Variants in ARAP1 observed in about 807,000 individuals in gnomAD.
ARAP1 encodes ArfGAP with RhoGAP domain, ankyrin repeat and PH domain 1.
In ARAP1, 76 loss-of-function variants were observed where a neutral mutation model predicts 172.2. That is an observed-to-expected ratio of 0.44 (90% CI 0.37 to 0.53). ARAP1 has a LOEUF of 0.53. ARAP1 is among the 20% of genes least tolerant of loss of function. ARAP1 has a pLI of 0.00. For missense variants in ARAP1, 1,686 were observed against 1,977.5 expected, an observed-to-expected ratio of 0.85 and a Z score of 2.80; for synonymous variants, 804 against 803.3, an observed-to-expected ratio of 1.00 and a Z score of -0.01.
chr11:72,750,264 C>G (rs1416755111), intron 1 of ARAP1, among the ~76,000 whole-genome samples: 1 of 152,224 alleles, frequency 6.6e-6, no homozygotes, highest in Non-Finnish European at 1.5e-5. Context: ...GGGCGGGGGG[C>G]CAGGGTCAGC....
chr11:72,716,436 G>A (rs867620700), intron 3 of ARAP1, among the ~76,000 whole-genome samples: 1 of 152,244 alleles, frequency 6.6e-6, no homozygotes, highest in African/African-American at 2.4e-5. Flanking sequence ...ACCTGCAAAC[G>A]GTGGCGTGTC....
chr11:72,748,440 A>T (rs966011820), intron 1 of ARAP1, among the ~76,000 whole-genome samples: 2 of 152,006 alleles, frequency 1.3e-5, no homozygotes, highest in Non-Finnish European at 2.9e-5. Flanking sequence ...GAATCGCTTG[A>T]ACCCGGGAGG....
chr11:72,685,650 ATGGGCTCCTG>A lies in ARAP1; in HGVS notation c.*4_*13del, dbSNP rs1855637875. On this transcript the variant is annotated 3_prime_UTR_variant, in exon 35 of 35. Transcript: ENST00000393609. The stretch of plus-strand genomic sequence containing the variant: ...CAGCGGCGGAATCCTAGAGCCAAGG[ATGGGCTCCTG>A]TGCTCAGACGTTGCGCAGAAGCTGC... 1.9e-6 allele frequency: 3 copies of A among 1,614,112 alleles called. No homozygotes were observed. The highest frequency in any genetic ancestry group is 1.7e-6 in the Non-Finnish European group (2 of 1,179,978).
intron 1 of ARAP1, among the ~76,000 whole-genome samples, chr11:72,752,099 T>G (rs1858548030): frequency 6.6e-6 from 1 of 152,186 alleles, no homozygotes; most frequent in South Asian, 2.1e-4. Flanking sequence ...GGCTACGGGC[T>G]GGAAGCCCCG....
intron 11 of ARAP1, 61 bp downstream of exon 11, chr11:72,709,809 G>A (rs1168758386): frequency 8.9e-6 from 14 of 1,569,308 alleles, no homozygotes; most frequent in Middle Eastern, 1.7e-4. Flanking sequence ...CCCACGTCGC[G>A]CAAAAGGAAA....
chr11:72,685,690 A>G lies in ARAP1; in HGVS notation c.4336-9T>C, dbSNP rs1326601359. ...CAGACGTTGCGCAGAAGCTGCAGGAAGGCAAGAGACCCACAGGTATTTTGT... is the reference window on the plus strand; with the variant it reads ...CAGACGTTGCGCAGAAGCTGCAGGAGGGCAAGAGACCCACAGGTATTTTGT... On this transcript the variant is annotated splice_polypyrimidine_tract_variant and intron_variant, in intron 34 of 34. Coordinates refer to ENST00000393609, the MANE Select transcript of ARAP1 (RefSeq NM_001040118.3). 1 of 1,614,008 alleles carries G rather than the reference A, an allele frequency of 6.2e-7. No individual in the cohort carries two copies. Among genetic ancestry groups the G allele is most frequent in the East Asian group, 2.2e-5 (1 of 44,882 alleles).
chr11:72,692,094 A>G (rs1490826315), intron 30 of ARAP1, among the ~76,000 whole-genome samples: 3 of 152,136 alleles, frequency 2.0e-5, no homozygotes, highest in Admixed American at 6.5e-5. Flanking sequence ...GCTGCAGGGC[A>G]TCTATGCTCT....
chr11:72,741,099 G>A lies in ARAP1; in HGVS notation c.-127-8502C>T, dbSNP rs546225674. 7.9e-6 allele frequency among the ~76,000 whole-genome samples: 1 copy of A among 125,802 alleles called. No individual in the cohort carries two copies. The highest frequency in any genetic ancestry group is 7.5e-5 in the Admixed American group (1 of 13,246). The allele number at this position is 125,802 out of a possible 152,430, so 82.5% of individuals were successfully genotyped here. ...CACCACATACCCCCGACCCCTAATGGGTCTGGGGACCCCTGCCGCTTCCCC... is the reference window on the plus strand; with the variant it reads ...CACCACATACCCCCGACCCCTAATGAGTCTGGGGACCCCTGCCGCTTCCCC... On this transcript the variant is annotated intron_variant, in intron 1 of 34. Coordinates refer to ENST00000393609, the MANE Select transcript of ARAP1 (RefSeq NM_001040118.3). This position sits in a 1 kb window ranked among gnomAD's most constrained non-coding sequence, Gnocchi z 4.5.
rs569784598 is a variant in ARAP1, at chr11:72,749,170, G to C, written c.-128+3158C>G. On this transcript the variant is annotated intron_variant, in intron 1 of 34. Transcript: ENST00000393609. ...TTCAAGGCTGCCTCGGTCACCACCC[G>C]GGGAAAGCACCTCACTCAGCCCTGG... 2.0e-5 allele frequency among the ~76,000 whole-genome samples: 3 copies of C among 152,146 alleles called. No homozygotes were observed. The South Asian group carries it at 6.2e-4, about 32-fold the overall frequency.
intron 1 of ARAP1, among the ~76,000 whole-genome samples, chr11:72,732,801 G>A (rs1367952538): frequency 6.6e-6 from 1 of 152,112 alleles, no homozygotes; most frequent in Non-Finnish European, 1.5e-5. Context: ...GGCAACATAA[G>A]AAGACCCCAT....
At chr11:72,691,128 T>C (rs540276006) in intron 30 of ARAP1, among the ~76,000 whole-genome samples, 1 of 152,320 alleles carries the variant, frequency 6.6e-6, no homozygotes, top group South Asian at 2.1e-4. Context: ...CTAAGAAACC[T>C]GGGTGCAAGT....
chr11:72,732,878 G>A (rs1205394406), intron 1 of ARAP1, among the ~76,000 whole-genome samples: 1 of 152,152 alleles, frequency 6.6e-6, no homozygotes, highest in Non-Finnish European at 1.5e-5. Flanking sequence ...AGGAACTCAG[G>A]AGGCTGAGGT....
rs1472611441 is a variant in ARAP1 at position 72,741,641 on chromosome 11, A to C, written c.-127-9044T>G. Among the ~76,000 whole-genome samples, 1 of 152,160 alleles carries C rather than the reference A, an allele frequency of 6.6e-6. No homozygotes were observed. Among genetic ancestry groups the C allele is most frequent in the Non-Finnish European group, 1.5e-5 (1 of 68,004 alleles). On this transcript the variant is annotated intron_variant, in intron 1 of 34. Transcript: ENST00000393609. This position sits in a 1 kb window ranked among gnomAD's most constrained non-coding sequence, Gnocchi z 4.5. ...GCAGGAGGGGGACTCCGAACACCAT[A>C]AATGAGGCAGAAACAGGAAGAGACA...
chr11:72,712,269 C>G lies in ARAP1; in HGVS notation c.949G>C (p.Gly317Arg). The G allele has an allele frequency of 1.2e-6, 2 of 1,602,694 alleles. No homozygotes were observed. The highest frequency in any genetic ancestry group is 1.7e-6 in the Non-Finnish European group (2 of 1,174,112). The change falls in exon 7 of 35, where the codon GGG becomes CGG. Residue 317 changes from glycine (G) to arginine (R), a missense_variant. Coordinates refer to ENST00000393609, the MANE Select transcript of ARAP1 (RefSeq NM_001040118.3). ...STIAAPHPMDGPPGGSTPVTP... is the reference protein window; with the variant it reads ...STIAAPHPMDRPPGGSTPVTP... Reference sequence around the variant, plus strand: ...ACGGGGGTGGAGCCCCCAGGCGGCCCGTCCATGGGGTGTGGCGCAGCTATT... The same window carrying G: ...ACGGGGGTGGAGCCCCCAGGCGGCCGGTCCATGGGGTGTGGCGCAGCTATT...
At chr11:72,730,061 G>A (rs913288421) in intron 2 of ARAP1, among the ~76,000 whole-genome samples, 1 of 152,032 alleles carries the variant, frequency 6.6e-6, no homozygotes, top group African/African-American at 2.4e-5. Flanking sequence ...AGCACCATAA[G>A]CAAAGCCAAG....
chr11:72,696,817 G>C (rs1856216309), intron 22 of ARAP1, 163 bp from the exon 23 acceptor site: 16 of 958,670 alleles, frequency 1.7e-5, no homozygotes, highest in Non-Finnish European at 2.4e-5. Context: ...CGGTCTTCCA[G>C]GGCCCCTGGC....
rs930982175 is a variant in ARAP1, at chr11:72,693,201, C to G, written c.3954+124G>C. The G allele has an allele frequency of 2.2e-6, 3 of 1,389,520 alleles. No individual in the cohort carries two copies. Among genetic ancestry groups the G allele is most frequent in the Admixed American group, 2.2e-5 (1 of 45,862 alleles). The allele number at this position is 1,389,520 out of a possible 1,614,324, so 86.1% of individuals were successfully genotyped here. ...GTCTTGAGAGTCTACAGTTCTCCCC[C>G]ACTGCTGTGCCATCCTGAGAGCCTG... On this transcript the variant is annotated intron_variant, in intron 29 of 34. Transcript: ENST00000393609. The surrounding 1 kb of genome is among the most constrained non-coding windows in gnomAD (Gnocchi z 4.6).
Position 72,696,653 on chromosome 11 carries a change from C to T in ARAP1, c.3168G>A (p.Glu1056=), listed in dbSNP as rs1297236142. Reference sequence around the variant, plus strand: ...AGACCTTCTCCTCCTCGTCCTCAATCTCTGGGTGGGAAAGATAAATCAAGT... The same window carrying T: ...AGACCTTCTCCTCCTCGTCCTCAATTTCTGGGTGGGAAAGATAAATCAAGT... ...AQRLTWLEAS[E]IEDEEEKVSR... is the part of the protein sequence containing the mutation. The change falls in exon 23 of 35, where the codon GAG becomes GAA. Residue 1056 remains glutamate (E), a splice_region_variant and synonymous_variant. Coordinates refer to ENST00000393609, the MANE Select transcript of ARAP1 (RefSeq NM_001040118.3). 6.3e-7 allele frequency: 1 copy of T among 1,587,980 alleles called. No homozygotes were observed.
At chr11:72,697,293 C>G (rs557130172) in intron 21 of ARAP1, 30 bp downstream of exon 21, 1 of 1,570,376 alleles carries the variant, frequency 6.4e-7, no homozygotes, top group African/African-American at 1.4e-5. Context: ...CCGGGAGGGG[C>G]GGGGCTGGCA....
Sources: gnomAD v4.1 joint callset for allele counts (sites outside exome capture counted in the v4.1 genomes callset) on GRCh38, gnomAD v4.1.1 for gene constraint, Gnocchi (gnomAD v3.1) non-coding constraint, MANE v1.5 for transcripts, NCBI Gene and HGNC (gene_info 2026-07-23, HGNC 2026-07-21) for gene names.